Variants in ATG10 observed in about 807,000 individuals in gnomAD.
ATG10 encodes autophagy related 10, also known as ubiquitin-like-conjugating enzyme ATG10.
In ATG10, 30 loss-of-function variants were observed where a neutral mutation model predicts 32.1. The ratio of observed to expected loss-of-function variants is 0.94; its 90% confidence interval spans 0.70 to 1.27. The LOEUF is 1.27. Among genes scored for constraint, ATG10 ranks in the 50% most tolerant of loss-of-function variants. ATG10 has a pLI of 0.00. For missense variants in ATG10, 233 were observed against 262.3 expected, an observed-to-expected ratio of 0.89 and a Z score of 0.77; for synonymous variants, 87 against 91.5, an observed-to-expected ratio of 0.95 and a Z score of 0.28.
intron 2 of ATG10, among the ~76,000 whole-genome samples, chr5:82,033,623 A>G (rs530098045): frequency 7.3e-5 from 11 of 151,670 alleles, no homozygotes; most frequent in African/African-American, 2.7e-4. Context: ...TCATCTTCCA[A>G]CAACTAGACA....
At chr5:82,012,836 T>C (rs747529347) in intron 2 of ATG10, among the ~76,000 whole-genome samples, 6 of 152,156 alleles carry the variant, frequency 3.9e-5, no homozygotes, top group Non-Finnish European at 8.8e-5. Flanking sequence ...TTGTATTCTT[T>C]AATTAGAGAC....
intron 3 of ATG10, among the ~76,000 whole-genome samples, chr5:82,078,899 C>G (rs1216191310): frequency 1.3e-5 from 2 of 152,156 alleles, no homozygotes; most frequent in Non-Finnish European, 2.9e-5. Context: ...AGAGTCCCCC[C>G]TCTACCAAGG....
intron 2 of ATG10, among the ~76,000 whole-genome samples, chr5:82,055,715 C>A (rs537561045): frequency 9.9e-5 from 15 of 152,270 alleles, no homozygotes; most frequent in Middle Eastern, 3.4e-3. Context: ...TAATTTTTCT[C>A]TCAAACACAT....
At chr5:82,158,326 T>C (rs1039178593) in intron 3 of ATG10, among the ~76,000 whole-genome samples, 3 of 152,234 alleles carry the variant, frequency 2.0e-5, no homozygotes, top group Admixed American at 2.0e-4. Flanking sequence ...CAATTACTCT[T>C]AATATCAAAT....
chr5:82,145,798 C>T (rs1186777298), intron 3 of ATG10, among the ~76,000 whole-genome samples: 4 of 151,874 alleles, frequency 2.6e-5, no homozygotes. Flanking sequence ...CCTCTGCCTC[C>T]TGGATTCAAG....
intron 2 of ATG10, chr5:82,010,067 G>T (rs956522823): frequency 3.5e-5 from 57 of 1,609,794 alleles, no homozygotes; most frequent in Non-Finnish European, 4.8e-5. Flanking sequence ...CGACGGCAAT[G>T]TCGAAGAACA....
At chr5:82,185,614 C>T (rs187313198) in intron 5 of ATG10, among the ~76,000 whole-genome samples, 2 of 151,658 alleles carry the variant, frequency 1.3e-5, no homozygotes, top group Admixed American at 1.3e-4. Context: ...ATAAATTTCT[C>T]AGGGTAAAAA....
rs1006700000 is a variant in ATG10, at chr5:82,019,580, G to T, written c.108+31902G>T. ...CTGAAGAACTGAGAACCTCCACCCC[G>T]ATATGAGAATGAGTTTCGGCAAAGG... On this transcript the variant is annotated intron_variant, in intron 2 of 7. Transcript: ENST00000282185. 1.1e-4 allele frequency among the ~76,000 whole-genome samples: 17 copies of T among 152,280 alleles called. No individual in the cohort carries two copies. In the East Asian group the frequency reaches 3.3e-3, roughly 29 times the overall value.
intron 2 of ATG10, among the ~76,000 whole-genome samples, chr5:82,030,998 T>TATC (rs1437837061): frequency 6.6e-6 from 1 of 152,196 alleles, no homozygotes; most frequent in African/African-American, 2.4e-5. Flanking sequence ...TTATTATTAT[T>TATC]ATCATCATCG....
intron 2 of ATG10, among the ~76,000 whole-genome samples, chr5:81,988,179 C>T (rs889750061): frequency 6.6e-6 from 1 of 152,222 alleles, no homozygotes. Flanking sequence ...CTCTGTCCCC[C>T]ACGCTGGAGT....
At chr5:82,220,917 C>T (rs934863250) in intron 5 of ATG10, among the ~76,000 whole-genome samples, 41 of 152,088 alleles carry the variant, frequency 2.7e-4, no homozygotes, top group African/African-American at 9.9e-4. Context: ...GCCACCATGC[C>T]TGGCTAATTT....
chr5:82,242,979 C>G (rs1746865602), intron 5 of ATG10: 1 of 332,210 alleles, frequency 3.0e-6, no homozygotes, highest in Admixed American at 4.2e-5. Flanking sequence ...AAAATAGATA[C>G]AGCGGAAATA....
At chr5:82,086,458 A>T (rs2149788393) in intron 3 of ATG10, among the ~76,000 whole-genome samples, 1 of 152,326 alleles carries the variant, frequency 6.6e-6, no homozygotes, top group South Asian at 2.1e-4. Flanking sequence ...TGAGTGGACT[A>T]GTTGGGACTG....
At position 82,252,567 on chromosome 5, in the gene ATG10, T is replaced by C. The variant is rs749365887; in HGVS notation, c.459T>C (p.His153=). ...GPWDTITQQE[H]PILGQPFFVL... is the part of the protein sequence containing the mutation. Reference sequence around the variant, plus strand: ...ACCAATTCTGATTCTTACAGGAACATCCAATACTTGGGCAACCCTTTTTTG... The same window carrying C: ...ACCAATTCTGATTCTTACAGGAACACCCAATACTTGGGCAACCCTTTTTTG... The change falls in exon 6 of 8, where the codon CAT becomes CAC. Residue 153 remains histidine (H), a synonymous_variant. Transcript: ENST00000282185. The C allele has an allele frequency of 3.8e-5, 60 of 1,599,528 alleles. No individual in the cohort carries two copies. In the East Asian group the frequency reaches 1.3e-3, roughly 34 times the overall value.
intron 2 of ATG10, among the ~76,000 whole-genome samples, chr5:82,037,394 C>T (rs1331678719): frequency 6.8e-6 from 1 of 146,378 alleles, no homozygotes; most frequent in Admixed American, 6.8e-5. Flanking sequence ...ACTACAGGCG[C>T]CCGCCACTAC....
intron 2 of ATG10, among the ~76,000 whole-genome samples, chr5:82,027,862 GT>G (rs1426151704): frequency 2.0e-5 from 3 of 152,166 alleles, no homozygotes; most frequent in African/African-American, 7.2e-5. Context: ...GCAAGGAAAA[GT>G]TACGAGTTGA....
intron 3 of ATG10, among the ~76,000 whole-genome samples, chr5:82,149,760 C>T (rs923441351): frequency 1.3e-5 from 2 of 152,078 alleles, no homozygotes; most frequent in African/African-American, 2.4e-5. Flanking sequence ...TGCATATTCT[C>T]CTGGCTTGAA....
intron 2 of ATG10, among the ~76,000 whole-genome samples, chr5:82,047,031 A>G (rs550278929): frequency 1.3e-5 from 2 of 151,972 alleles, no homozygotes; most frequent in South Asian, 4.2e-4. Context: ...AGCAAAACTA[A>G]GCCTTTAAGA....
At chr5:81,993,369 T>TTTCTTTCTTTCTTTCCTTC (rs1554039351) in intron 2 of ATG10, among the ~76,000 whole-genome samples, 8 of 38,036 alleles carry the variant, frequency 2.1e-4, no homozygotes, top group African/African-American at 1.0e-3. Context: ...CCTTCTTTTC[T>TTTCTTTCTTTCTTTCCTTC]TTTCTTTTCT....
Sources: gnomAD v4.1 joint callset for allele counts (sites outside exome capture counted in the v4.1 genomes callset) on GRCh38, gnomAD v4.1.1 for gene constraint, MANE v1.5 for transcripts, NCBI Gene and HGNC (gene_info 2026-07-23, HGNC 2026-07-21) for gene names.